Variants in PTPRD observed in about 807,000 individuals in gnomAD.
PTPRD encodes the protein receptor-type tyrosine-protein phosphatase delta.
Under a neutral mutation model 214.5 loss-of-function variants are expected in PTPRD, and 34 were observed. That is an observed-to-expected ratio of 0.16 (90% CI 0.12 to 0.21). The LOEUF (loss-of-function observed/expected upper bound fraction) is 0.21. PTPRD is among the 10% of genes least tolerant of loss of function. PTPRD has a pLI of 1.00. For missense variants in PTPRD, 2,545 were observed against 2,398.7 expected, an observed-to-expected ratio of 1.06 and a Z score of -1.27; for synonymous variants, 1,128 against 845.7, an observed-to-expected ratio of 1.33 and a Z score of -5.79.
intron 3 of PTPRD, among the ~76,000 whole-genome samples, chr9:10,188,674 G>C (rs535451804): frequency 1.1e-3 from 174 of 151,966 alleles, no homozygotes; most frequent in African/African-American, 4.0e-3. Flanking sequence ...GAAGTCATGG[G>C]TGTGCATGAG....
At chr9:8,379,386 T>C (rs2084259953) in intron 37 of PTPRD, among the ~76,000 whole-genome samples, 2 of 152,022 alleles carry the variant, frequency 1.3e-5, no homozygotes, top group Non-Finnish European at 2.9e-5. Context: ...CCTGCACACC[T>C]TCATCTGATT....
chr9:8,899,415 G>T (rs577834783), intron 11 of PTPRD, among the ~76,000 whole-genome samples: 2 of 152,148 alleles, frequency 1.3e-5, no homozygotes, highest in African/African-American at 4.8e-5. Flanking sequence ...TTGTGTCTCC[G>T]CATTTTTGTT....
intron 7 of PTPRD, among the ~76,000 whole-genome samples, chr9:9,584,600 T>C (rs1240807873): frequency 6.6e-6 from 1 of 151,976 alleles, no homozygotes; most frequent in Non-Finnish European, 1.5e-5. Flanking sequence ...TCAACTTCGT[T>C]ATTCTACACT....
intron 2 of PTPRD, among the ~76,000 whole-genome samples, chr9:10,449,055 G>A (rs1044791829): frequency 4.7e-5 from 7 of 149,958 alleles, no homozygotes; most frequent in African/African-American, 1.5e-4. Flanking sequence ...CTCCCTCTCC[G>A]TCTCCCACTT....
chr9:9,584,359 C>CTTATTATT (rs1554649145), intron 7 of PTPRD, among the ~76,000 whole-genome samples: 5 of 149,146 alleles, frequency 3.4e-5, no homozygotes, highest in Non-Finnish European at 5.9e-5. Context: ...ATTTCATCAC[C>CTTATTATT]ATTATTATTA....
chr9:10,174,458 T>G (rs933465301), intron 3 of PTPRD, among the ~76,000 whole-genome samples: 2 of 152,132 alleles, frequency 1.3e-5, no homozygotes, highest in African/African-American at 4.8e-5. Context: ...GGGGCCCAAT[T>G]TTTAACTTTT....
chr9:8,384,190 A>G (rs77736642), intron 37 of PTPRD, among the ~76,000 whole-genome samples: 22,964 of 152,144 alleles, frequency 0.15, 2,077 homozygotes, highest in African/African-American at 0.24. Context: ...TGGAAATCCC[A>G]GCTGTATACA....
chr9:10,497,371 T>C (rs574240133), intron 2 of PTPRD, among the ~76,000 whole-genome samples: 1 of 152,146 alleles, frequency 6.6e-6, no homozygotes, highest in African/African-American at 2.4e-5. Context: ...TACTAGATTG[T>C]AAGCTCCATA....
At chr9:9,496,669 A>T (rs1487322562) in intron 8 of PTPRD, among the ~76,000 whole-genome samples, 1 of 152,224 alleles carries the variant, frequency 6.6e-6, no homozygotes, top group Non-Finnish European at 1.5e-5. Context: ...AAAATGATAT[A>T]GCTGCTGTGG....
chr9:8,575,586 G>T (rs1171032619), intron 14 of PTPRD, among the ~76,000 whole-genome samples: 1 of 152,100 alleles, frequency 6.6e-6, no homozygotes, highest in Non-Finnish European at 1.5e-5. Flanking sequence ...CTGCAAAAAC[G>T]TGGCTGCAGA....
chr9:9,510,285 C>T (rs1233119993), intron 8 of PTPRD, among the ~76,000 whole-genome samples: 1 of 151,066 alleles, frequency 6.6e-6, no homozygotes, highest in African/African-American at 2.4e-5. Flanking sequence ...AATAGTATCT[C>T]TTTTTTTTAA....
At chr9:9,759,213 A>T (rs2098626184) in intron 6 of PTPRD, among the ~76,000 whole-genome samples, 1 of 152,166 alleles carries the variant, frequency 6.6e-6, no homozygotes, top group Non-Finnish European at 1.5e-5. Flanking sequence ...AGTAATACAC[A>T]TATGGTCTAG....
intron 3 of PTPRD, among the ~76,000 whole-genome samples, chr9:10,052,680 C>T (rs1049427637): frequency 2.6e-5 from 4 of 152,100 alleles, no homozygotes; most frequent in Admixed American, 2.6e-4. Flanking sequence ...GATCCAGGCT[C>T]AAACATGAGT....
At chr9:9,175,419 G>A (rs556480180) in intron 10 of PTPRD, among the ~76,000 whole-genome samples, 4 of 151,784 alleles carry the variant, frequency 2.6e-5, no homozygotes, top group Non-Finnish European at 5.9e-5. Context: ...TCAGGAGTTC[G>A]AGACCAGTCT....
At chr9:10,419,248 T>C (rs1268523150) in intron 2 of PTPRD, among the ~76,000 whole-genome samples, 2 of 151,940 alleles carry the variant, frequency 1.3e-5, no homozygotes, top group Admixed American at 6.6e-5. Flanking sequence ...TCAAAAAAGA[T>C]GGCCATGTGT....
chr9:10,214,265 T>C (rs189818427), intron 3 of PTPRD, among the ~76,000 whole-genome samples: 6 of 151,948 alleles, frequency 3.9e-5, no homozygotes, highest in Admixed American at 2.0e-4. Flanking sequence ...TGCAATTAAT[T>C]CTTTTTGTTT....
intron 7 of PTPRD, among the ~76,000 whole-genome samples, chr9:9,671,052 A>T (rs1404281578): frequency 6.6e-6 from 1 of 152,196 alleles, no homozygotes; most frequent in African/African-American, 2.4e-5. Flanking sequence ...ATTCACCTGG[A>T]AAAACCACAG....
intron 3 of PTPRD, among the ~76,000 whole-genome samples, chr9:10,142,956 T>C (rs1042610434): frequency 1.3e-5 from 2 of 151,834 alleles, no homozygotes; most frequent in African/African-American, 4.8e-5. Flanking sequence ...TAAAAAATGA[T>C]GAGTTCATGT....
chr9:9,423,164 TC>T (rs1223272221), intron 8 of PTPRD, among the ~76,000 whole-genome samples: 1 of 152,192 alleles, frequency 6.6e-6, no homozygotes, highest in African/African-American at 2.4e-5. Flanking sequence ...CTACAGTTTT[TC>T]ACACAATGTC....
Sources: gnomAD v4.1 joint callset for allele counts (sites outside exome capture counted in the v4.1 genomes callset) on GRCh38, gnomAD v4.1.1 for gene constraint, MANE v1.5 for transcripts, NCBI Gene and HGNC (gene_info 2026-07-23, HGNC 2026-07-21) for gene names.